The following EFCAB6 variants were observed in gnomAD, a reference collection of about 807,000 sequenced individuals.
EFCAB6 encodes EF-hand calcium-binding domain-containing protein 6.
A neutral mutation model predicts 169.8 loss-of-function variants in EFCAB6; 156 were observed. The ratio of observed to expected loss-of-function variants is 0.92; its 90% CI spans 0.81 to 1.05. The LOEUF is 1.05. Among genes scored for constraint, EFCAB6 ranks in the 50% least tolerant of loss-of-function variants. The pLI is 0.00. For synonymous variants in EFCAB6, 698 were observed against 676.4 expected (o/e 1.03, Z -0.50); for missense variants, 1,800 against 1,829.1 (o/e 0.98, Z 0.29).
intron 27 of EFCAB6, among the ~76,000 whole-genome samples, chr22:43,545,805 G>A (rs948689858): frequency 2.6e-5 from 4 of 152,144 alleles, no homozygotes; most frequent in African/African-American, 7.2e-5. Context: ...AAGCAGCGTC[G>A]GGCTGGCAGC....
At chr22:43,767,485 A>C (rs1428458273) in intron 4 of EFCAB6, among the ~76,000 whole-genome samples, 3 of 152,220 alleles carry the variant, frequency 2.0e-5, no homozygotes, top group Non-Finnish European at 4.4e-5. Flanking sequence ...GGAAGTGATA[A>C]GAGGAAATGA....
chr22:43,605,064 T>C (rs2052812550), intron 22 of EFCAB6, among the ~76,000 whole-genome samples: 1 of 152,142 alleles, frequency 6.6e-6, no homozygotes, highest in African/African-American at 2.4e-5. Context: ...TGCCAAGCCC[T>C]CCCCAAGGAG....
chr22:43,748,390 G>A lies in EFCAB6; in HGVS notation c.507+7376C>T, dbSNP rs536611851. On this transcript the variant is annotated intron_variant, in intron 6 of 31. Transcript: ENST00000262726. ...ATAGCCGCAGGGCTTGTCTCCTTGCGGTGCTCTGGCCACAGCCCGGCTTCC... is the reference window on the plus strand; with the variant it reads ...ATAGCCGCAGGGCTTGTCTCCTTGCAGTGCTCTGGCCACAGCCCGGCTTCC... 3.9e-5 allele frequency among the ~76,000 whole-genome samples: 6 copies of A among 152,192 alleles called. No homozygotes were observed. In the South Asian group the frequency reaches 1.2e-3, roughly 32 times the overall value.
At chr22:43,621,089 ATTTTT>A (rs3072756) in intron 20 of EFCAB6, among the ~76,000 whole-genome samples, 1 of 141,682 alleles carries the variant, frequency 7.1e-6, no homozygotes. Context: ...ACACTATGCA[ATTTTT>A]TTTTTTTTTT....
chr22:43,719,925 C>CA (rs910985377), intron 8 of EFCAB6, among the ~76,000 whole-genome samples: 1 of 151,768 alleles, frequency 6.6e-6, no homozygotes, highest in Admixed American at 6.6e-5. Context: ...GAGCAAATTA[C>CA]AAAAAAACAT....
At chr22:43,629,305 C>T (rs558830439) in intron 19 of EFCAB6, among the ~76,000 whole-genome samples, 43 of 152,354 alleles carry the variant, frequency 2.8e-4, no homozygotes, top group African/African-American at 9.4e-4. Flanking sequence ...GGTGTTATTT[C>T]AGTTCCTGAC....
rs1556019216 is a variant in EFCAB6, at chr22:43,666,701, T to TTTTG, written c.1983+402_1983+403insCAAA. Among the ~76,000 whole-genome samples the TTTTG allele has an allele frequency of 7.2e-4, 102 of 142,590 alleles. 1 individual carries two copies. The highest frequency in any genetic ancestry group is 1.6e-3 in the African/African-American group (58 of 37,012). 93.5% of individuals were successfully genotyped at this position (142,590 alleles called of 152,430 possible). On this transcript the variant is annotated intron_variant, in intron 17 of 31. Coordinates refer to ENST00000262726, the MANE Select transcript of EFCAB6 (RefSeq NM_022785.4). ...TTTCACTGCCAGATTGTTTTTTTTT[T>TTTTG]TTTTTTTTTTTTTTCATTCTAGAGG...
At chr22:43,797,520 A>G (rs999784792) in intron 2 of EFCAB6, among the ~76,000 whole-genome samples, 1 of 152,222 alleles carries the variant, frequency 6.6e-6, no homozygotes, top group South Asian at 2.1e-4. Flanking sequence ...TGAATTTCAC[A>G]CTAAATTGTA....
At chr22:43,793,098 C>G (rs1297051868) in intron 2 of EFCAB6, among the ~76,000 whole-genome samples, 2 of 152,108 alleles carry the variant, frequency 1.3e-5, no homozygotes, top group Non-Finnish European at 2.9e-5. Context: ...GTAAGATAAT[C>G]ACCCGGAAAT....
At chr22:43,745,806 C>A (rs1358087371) in intron 6 of EFCAB6, among the ~76,000 whole-genome samples, 2 of 152,108 alleles carry the variant, frequency 1.3e-5, no homozygotes, top group African/African-American at 4.8e-5. Flanking sequence ...TTGAAATTGT[C>A]ATTATCAACC....
chr22:43,704,708 A>T (rs902282827), intron 10 of EFCAB6, among the ~76,000 whole-genome samples: 14 of 152,276 alleles, frequency 9.2e-5, no homozygotes, highest in African/African-American at 3.4e-4. Flanking sequence ...GTAAGTATAA[A>T]ATTTCTACGC....
chr22:43,556,964 G>T (rs960757929), intron 26 of EFCAB6, among the ~76,000 whole-genome samples: 1 of 152,240 alleles, frequency 6.6e-6, no homozygotes, highest in African/African-American at 2.4e-5. Context: ...GTCCCTAAGG[G>T]ATGTTGGCAT....
chr22:43,732,571 A>C (rs2147632129), intron 7 of EFCAB6, among the ~76,000 whole-genome samples: 1 of 147,602 alleles, frequency 6.8e-6, no homozygotes, highest in East Asian at 2.0e-4. Context: ...AGTTCAAGCG[A>C]TTCTCGTGCC....
intron 23 of EFCAB6, among the ~76,000 whole-genome samples, chr22:43,599,392 C>T (rs1222814425): frequency 6.6e-6 from 1 of 151,588 alleles, no homozygotes; most frequent in Non-Finnish European, 1.5e-5. Context: ...TGCCTGTAAT[C>T]CCAGCTACTC....
At chr22:43,593,641 A>T (rs1028160133) in intron 23 of EFCAB6, among the ~76,000 whole-genome samples, 1 of 152,180 alleles carries the variant, frequency 6.6e-6, no homozygotes, top group Admixed American at 6.5e-5. Context: ...GGTGTGTTCG[A>T]ACTGCTCTTC....
chr22:43,725,241 A>G (rs911449214), intron 8 of EFCAB6, among the ~76,000 whole-genome samples: 1 of 150,986 alleles, frequency 6.6e-6, no homozygotes, highest in Non-Finnish European at 1.5e-5. Flanking sequence ...TACCGGGTTC[A>G]AGCAATTCTC....
chr22:43,798,301 A>C (rs2062585225), intron 2 of EFCAB6, among the ~76,000 whole-genome samples: 1 of 151,974 alleles, frequency 6.6e-6, no homozygotes, highest in Non-Finnish European at 1.5e-5. Context: ...GCAGTGAGCC[A>C]AGATTGTGCC....
At chr22:43,534,909 C>A in intron 29 of EFCAB6, 37 bp from the exon 30 acceptor site, 1 of 1,516,230 alleles carries the variant, frequency 6.6e-7, no homozygotes, top group South Asian at 1.3e-5. Flanking sequence ...GGTGGCGATT[C>A]ATTCATTCAT....
chr22:43,638,757 T>G (rs1459466040), intron 17 of EFCAB6, among the ~76,000 whole-genome samples: 2 of 152,188 alleles, frequency 1.3e-5, no homozygotes, highest in African/African-American at 4.8e-5. Flanking sequence ...GTAGAAACCT[T>G]GCAACCTTAT....
Sources: gnomAD v4.1 joint callset for allele counts (sites outside exome capture counted in the v4.1 genomes callset) on GRCh38, gnomAD v4.1.1 for gene constraint, MANE v1.5 for transcripts, NCBI Gene and HGNC (gene_info 2026-07-23, HGNC 2026-07-21) for gene names.